Variants in GPC6 observed in about 807,000 individuals in gnomAD.
GPC6 encodes the protein glypican 6.
A neutral mutation model predicts 55.2 loss-of-function variants in GPC6; 14 were observed. The ratio of observed to expected loss-of-function variants is 0.25; its 90% CI spans 0.17 to 0.40. GPC6 has a LOEUF of 0.40. GPC6 is among the 10% of genes least tolerant of loss of function. The pLI, the probability that GPC6 is intolerant of heterozygous loss-of-function variation, is 1.00. For missense variants in GPC6, 641 were observed against 708.5 expected (o/e 0.90, Z 1.08); for synonymous variants, 278 against 259.6 (o/e 1.07, Z -0.68).
At chr13:93,758,352 A>G (rs1187795311) in intron 2 of GPC6, among the ~76,000 whole-genome samples, 1 of 152,136 alleles carries the variant, frequency 6.6e-6, no homozygotes, top group Non-Finnish European at 1.5e-5. Context: ...ATTGAGGGAG[A>G]AAGTCTCCAC....
intron 4 of GPC6, among the ~76,000 whole-genome samples, chr13:94,063,887 G>A (rs568084855): frequency 6.6e-6 from 1 of 152,174 alleles, no homozygotes; most frequent in Non-Finnish European, 1.5e-5. Flanking sequence ...AAAAGATGCC[G>A]CCACCAGTTT....
upstream of GPC6, among the ~76,000 whole-genome samples, chr13:93,225,055 C>A (rs560368871): frequency 6.6e-6 from 1 of 152,202 alleles, no homozygotes; most frequent in African/African-American, 2.4e-5. Flanking sequence ...TTTAAAACCA[C>A]ATATACTATG....
chr13:93,568,185 C>A (rs2139469783), intron 2 of GPC6, among the ~76,000 whole-genome samples: 1 of 152,292 alleles, frequency 6.6e-6, no homozygotes, highest in Non-Finnish European at 1.5e-5. Context: ...GTACTAGTTA[C>A]CTCCACTTAC....
At chr13:93,540,729 A>G (rs1184523460) in intron 1 of GPC6, among the ~76,000 whole-genome samples, 3 of 152,274 alleles carry the variant, frequency 2.0e-5, no homozygotes, top group South Asian at 2.1e-4. Context: ...ACTATGTAAT[A>G]TATTATCGTT....
intron 3 of GPC6, among the ~76,000 whole-genome samples, chr13:93,847,425 C>T (rs147530037): frequency 2.1e-3 from 313 of 152,246 alleles, no homozygotes; most frequent in African/African-American, 7.0e-3. Context: ...TGACTCAAAA[C>T]CACATGACTC....
intron 2 of GPC6, among the ~76,000 whole-genome samples, chr13:93,621,191 C>T (rs1377914813): frequency 6.6e-5 from 10 of 152,144 alleles, no homozygotes. Flanking sequence ...GCCCTCAAGG[C>T]TCATCTCAGA....
At chr13:93,692,143 T>C (rs1458019404) in intron 2 of GPC6, among the ~76,000 whole-genome samples, 1 of 152,084 alleles carries the variant, frequency 6.6e-6, no homozygotes, top group Non-Finnish European at 1.5e-5. Context: ...ATCAAAATCT[T>C]ATGATTTTTC....
intron 3 of GPC6, among the ~76,000 whole-genome samples, chr13:93,976,958 C>T (rs1880546377): frequency 6.6e-6 from 1 of 152,066 alleles, no homozygotes; most frequent in Non-Finnish European, 1.5e-5. Context: ...TTTTAATTAT[C>T]TCTAATAGCA....
At chr13:93,683,936 C>T (rs1182472601) in intron 2 of GPC6, among the ~76,000 whole-genome samples, 1 of 152,120 alleles carries the variant, frequency 6.6e-6, no homozygotes, top group African/African-American at 2.4e-5. Context: ...ATGCTGCCAA[C>T]TTCTCATTGT....
intron 7 of GPC6, among the ~76,000 whole-genome samples, chr13:94,390,554 G>C (rs1016510012): frequency 6.6e-6 from 1 of 152,112 alleles, no homozygotes; most frequent in African/African-American, 2.4e-5. Flanking sequence ...GAGAGGGAAG[G>C]GGGTGGTGCC....
chr13:94,267,771 A>G (rs1247562772), intron 4 of GPC6, among the ~76,000 whole-genome samples: 3 of 152,210 alleles, frequency 2.0e-5, no homozygotes, highest in Admixed American at 6.5e-5. Flanking sequence ...CTTTGGGGAA[A>G]AAAGCACTTA....
At chr13:93,739,028 G>T (rs770613577) in intron 2 of GPC6, among the ~76,000 whole-genome samples, 2 of 151,746 alleles carry the variant, frequency 1.3e-5, no homozygotes, top group Non-Finnish European at 2.9e-5. Flanking sequence ...ATTCTGGCCA[G>T]TTACCCAATA....
intron 1 of GPC6, among the ~76,000 whole-genome samples, chr13:93,291,694 T>C (rs1415303481): frequency 6.6e-6 from 1 of 152,108 alleles, no homozygotes; most frequent in Non-Finnish European, 1.5e-5. Context: ...ATAATTCCTA[T>C]AGCAATCATA....
At chr13:93,675,985 C>T (rs1402760909) in intron 2 of GPC6, among the ~76,000 whole-genome samples, 1 of 151,032 alleles carries the variant, frequency 6.6e-6, no homozygotes, top group Non-Finnish European at 1.5e-5. Flanking sequence ...AAAATGGTGC[C>T]AGAGGCCAGG....
At chr13:93,867,772 T>A (rs991432) in intron 3 of GPC6, among the ~76,000 whole-genome samples, 100,995 of 151,560 alleles carry the variant, frequency 0.67, 34,284 homozygotes, top group East Asian at 0.81. Context: ...CAACTTTTAG[T>A]GTACACTCAC....
chr13:94,101,728 T>C (rs1045562534), intron 4 of GPC6, among the ~76,000 whole-genome samples: 2 of 152,132 alleles, frequency 1.3e-5, no homozygotes, highest in African/African-American at 4.8e-5. Context: ...TGGATTCTTC[T>C]CTATGCCATC....
In GPC6 at chr13:94,403,320, C is replaced by A; in HGVS notation, c.*103C>A. 4 of 856,284 alleles carry A rather than the reference C, an allele frequency of 4.7e-6. No individual in the cohort carries two copies. The highest frequency in any genetic ancestry group is 4.2e-5 in the South Asian group (3 of 70,610). The allele number at this position is 856,284 out of a possible 1,614,324, so 53.0% of individuals were successfully genotyped here. A position where few individuals can be genotyped will look rare whatever the true frequency, so the allele number is the denominator to read the frequency against. ...CAATGGACCATGCCACAAAAACTTA[C>A]CGTTTTCTATGAGAAGAGAGCAGTA... is the stretch of plus-strand genomic sequence containing the variant. On this transcript the variant is annotated 3_prime_UTR_variant, in exon 9 of 9. Coordinates refer to ENST00000377047, the MANE Select transcript of GPC6 (RefSeq NM_005708.5).
intron 1 of GPC6, among the ~76,000 whole-genome samples, chr13:93,399,808 C>T (rs1156866467): frequency 6.6e-6 from 1 of 152,170 alleles, no homozygotes; most frequent in Non-Finnish European, 1.5e-5. Flanking sequence ...CAAATCAGTG[C>T]TGCCTAAATG....
chr13:94,401,516 G>C (rs1881126333), intron 8 of GPC6, among the ~76,000 whole-genome samples: 1 of 152,022 alleles, frequency 6.6e-6, no homozygotes, highest in Non-Finnish European at 1.5e-5. Context: ...ATACTCTGTG[G>C]GTACCAAGGC....
Sources: gnomAD v4.1 joint callset for allele counts (sites outside exome capture counted in the v4.1 genomes callset) on GRCh38, gnomAD v4.1.1 for gene constraint, MANE v1.5 for transcripts, NCBI Gene and HGNC (gene_info 2026-07-23, HGNC 2026-07-21) for gene names.